Variants in KCNIP4 observed in about 807,000 individuals in gnomAD.
The protein encoded by KCNIP4 is potassium voltage-gated channel interacting protein 4.
KCNIP4 carries 12 observed loss-of-function variants against 34.0 expected under a neutral mutation model. The observed-to-expected ratio is 0.35, with a 90% CI of 0.23 to 0.57. The LOEUF (loss-of-function observed/expected upper bound fraction) is 0.57, where lower values mean the gene tolerates loss of function less well. KCNIP4 is among the 20% of genes least tolerant of loss of function. The probability of loss-of-function intolerance (pLI) is 0.83; values close to 1 mark genes in which losing one functional copy is unlikely to be tolerated. For missense variants in KCNIP4, 238 were observed against 311.7 expected (o/e 0.76, Z 1.78); for synonymous variants, 124 against 102.2 (o/e 1.21, Z -1.29).
Position 21,047,525 on chromosome 4 carries a change from TGAATGGTGAG to T in KCNIP4, c.62-164826_62-164817del, listed in dbSNP as rs1409989327. ...ATGAGAAAATGGAGTCACAGAGACTTGAATGGTGAGTCTCATTTACATAAATAGAAAGCAG... is the reference window on the plus strand; with the variant it reads ...ATGAGAAAATGGAGTCACAGAGACTTTCTCATTTACATAAATAGAAAGCAG... On this transcript the variant is annotated intron_variant, in intron 1 of 8. Transcript: ENST00000382152. 3.3e-5 allele frequency among the ~76,000 whole-genome samples: 5 copies of T among 152,308 alleles called. No individual in the cohort carries two copies. In the East Asian group the frequency reaches 9.6e-4, roughly 29 times the overall value.
chr4:21,692,827 ATTTTT>A (rs35231092), intron 1 of KCNIP4, among the ~76,000 whole-genome samples: 5 of 87,258 alleles, frequency 5.7e-5, no homozygotes, highest in African/African-American at 2.2e-4. Flanking sequence ...AAATCCTGTC[ATTTTT>A]TTTTTTTTTT....
At chr4:21,449,876 T>TTCCA (rs1211070920) in intron 1 of KCNIP4, among the ~76,000 whole-genome samples, 1 of 151,992 alleles carries the variant, frequency 6.6e-6, no homozygotes, top group Non-Finnish European at 1.5e-5. Context: ...TCCATCTACA[T>TTCCA]TCCATCCATC....
chr4:20,781,719 A>T (rs1389488731), intron 3 of KCNIP4, among the ~76,000 whole-genome samples: 1 of 152,172 alleles, frequency 6.6e-6, no homozygotes, highest in Non-Finnish European at 1.5e-5. Context: ...ATGGGAGTAT[A>T]ATTCAAGATG....
At chr4:21,079,904 T>C (rs1323517522) in intron 1 of KCNIP4, among the ~76,000 whole-genome samples, 1 of 151,834 alleles carries the variant, frequency 6.6e-6, no homozygotes, top group African/African-American at 2.4e-5. Flanking sequence ...CTCTAGAAGC[T>C]GTGAAAGGCA....
At chr4:20,735,245 T>C in intron 5 of KCNIP4, among the ~76,000 whole-genome samples, 1 of 152,222 alleles carries the variant, frequency 6.6e-6, no homozygotes, top group Non-Finnish European at 1.5e-5. Context: ...ACAGACTGCC[T>C]GGATTCACCC....
At chr4:21,919,890 CTTG>C (rs1453528445) in intron 1 of KCNIP4, among the ~76,000 whole-genome samples, 1 of 152,100 alleles carries the variant, frequency 6.6e-6, no homozygotes, top group Non-Finnish European at 1.5e-5. Context: ...GATCAGATTT[CTTG>C]TTAAGTAAAT....
intron 1 of KCNIP4, among the ~76,000 whole-genome samples, chr4:21,045,645 T>A (rs1451302261): frequency 6.6e-6 from 1 of 152,194 alleles, no homozygotes; most frequent in Admixed American, 6.5e-5. Context: ...AGGACACATT[T>A]AAGACCTACT....
intron 1 of KCNIP4, among the ~76,000 whole-genome samples, chr4:21,538,566 C>T (rs1258978681): frequency 6.6e-6 from 1 of 152,184 alleles, no homozygotes; most frequent in Non-Finnish European, 1.5e-5. Flanking sequence ...CCTTGGCTTA[C>T]AAGCTAATGC....
chr4:21,578,043 T>C (rs943861085), intron 1 of KCNIP4, among the ~76,000 whole-genome samples: 2 of 151,656 alleles, frequency 1.3e-5, no homozygotes, highest in East Asian at 3.9e-4. Context: ...GTGTAGATTA[T>C]TAAGAGTTCA....
At chr4:21,403,605 G>T (rs929896437) in intron 1 of KCNIP4, among the ~76,000 whole-genome samples, 1 of 152,094 alleles carries the variant, frequency 6.6e-6, no homozygotes, top group South Asian at 2.1e-4. Context: ...CTAATAGAAC[G>T]ACTTCCGTGT....
At chr4:21,934,257 G>T (rs1445894586) in intron 1 of KCNIP4, among the ~76,000 whole-genome samples, 3 of 151,980 alleles carry the variant, frequency 2.0e-5, no homozygotes, top group Non-Finnish European at 4.4e-5. Context: ...CGACTAGGCT[G>T]CCCCAGACTC....
intron 1 of KCNIP4, among the ~76,000 whole-genome samples, chr4:21,057,154 G>A (rs1743481976): frequency 6.6e-6 from 1 of 151,934 alleles, no homozygotes; most frequent in African/African-American, 2.4e-5. Context: ...GGAACTAATT[G>A]AACCACTGAG....
At chr4:20,827,667 C>T (rs1256475396) in intron 3 of KCNIP4, among the ~76,000 whole-genome samples, 1 of 152,052 alleles carries the variant, frequency 6.6e-6, no homozygotes, top group African/African-American at 2.4e-5. Context: ...ATTCATTGGT[C>T]AGTATTCTGA....
At chr4:20,755,924 A>G (rs1455022560) in intron 4 of KCNIP4, among the ~76,000 whole-genome samples, 3 of 152,078 alleles carry the variant, frequency 2.0e-5, no homozygotes, top group African/African-American at 7.2e-5. Flanking sequence ...GATAAGGCAG[A>G]GAAGGGACAA....
chr4:21,066,206 T>C (rs980532170), intron 1 of KCNIP4, among the ~76,000 whole-genome samples: 1 of 152,260 alleles, frequency 6.6e-6, no homozygotes, highest in East Asian at 1.9e-4. Flanking sequence ...TCCAAGGTTC[T>C]TTCTTGTGCT....
intron 1 of KCNIP4, among the ~76,000 whole-genome samples, chr4:21,334,961 A>G (rs1716030239): frequency 6.6e-6 from 1 of 152,098 alleles, no homozygotes; most frequent in South Asian, 2.1e-4. Flanking sequence ...TGCTAGTAGA[A>G]ACATTTGTAT....
chr4:21,799,306 CTCTAGTAAA>C (rs1720847522), intron 1 of KCNIP4, among the ~76,000 whole-genome samples: 1 of 152,136 alleles, frequency 6.6e-6, no homozygotes, highest in Non-Finnish European at 1.5e-5. Flanking sequence ...GGTCTATTAT[CTCTAGTAAA>C]TGACAGAGCC....
intron 1 of KCNIP4, among the ~76,000 whole-genome samples, chr4:21,886,538 G>T (rs1468020163): frequency 6.6e-6 from 1 of 152,072 alleles, no homozygotes; most frequent in African/African-American, 2.4e-5. Flanking sequence ...CAGCACCAGG[G>T]AGCTATAAAC....
chr4:21,835,946 A>T (rs1723293244), intron 1 of KCNIP4, among the ~76,000 whole-genome samples: 1 of 152,226 alleles, frequency 6.6e-6, no homozygotes, highest in South Asian at 2.1e-4. Context: ...AGTATGACTC[A>T]ACTGTACATA....
Sources: gnomAD v4.1 joint callset for allele counts (sites outside exome capture counted in the v4.1 genomes callset) on GRCh38, gnomAD v4.1.1 for gene constraint, MANE v1.5 for transcripts, NCBI Gene and HGNC (gene_info 2026-07-23, HGNC 2026-07-21) for gene names.